GABRB1: variants seen among roughly 807,000 people sequenced by gnomAD.
The protein encoded by GABRB1 is gamma-aminobutyric acid receptor subunit beta-1.
GABRB1 carries 17 observed loss-of-function variants against 51.6 expected under a neutral mutation model. The ratio of observed to expected loss-of-function variants is 0.33; its 90% CI spans 0.23 to 0.49. The LOEUF (loss-of-function observed/expected upper bound fraction) is 0.49, where lower values mean the gene tolerates loss of function less well. Among genes scored for constraint, GABRB1 ranks in the 20% least tolerant of loss-of-function variants. GABRB1 has a pLI of 0.99. For synonymous variants in GABRB1, 247 were observed against 218.9 expected, an observed-to-expected ratio of 1.13 and a Z score of -1.14; for missense variants, 410 against 600.6, an observed-to-expected ratio of 0.68 and a Z score of 3.32.
chr4:47,339,679 A>G (rs988248409), intron 5 of GABRB1, among the ~76,000 whole-genome samples: 2 of 152,226 alleles, frequency 1.3e-5, no homozygotes, highest in South Asian at 2.1e-4. Context: ...GAGAAGTTAA[A>G]TGAATTCACC....
At chr4:47,265,878 T>C (rs1722624729) in intron 4 of GABRB1, among the ~76,000 whole-genome samples, 1 of 152,168 alleles carries the variant, frequency 6.6e-6, no homozygotes, top group African/African-American at 2.4e-5. Flanking sequence ...TGCAAAACAT[T>C]CTCTCTAATT....
intron 5 of GABRB1, among the ~76,000 whole-genome samples, chr4:47,388,486 C>T (rs1205927104): frequency 6.6e-6 from 1 of 152,122 alleles, no homozygotes; most frequent in South Asian, 2.1e-4. Flanking sequence ...AGTAATGGGG[C>T]TTTCCAGAGG....
intron 4 of GABRB1, among the ~76,000 whole-genome samples, chr4:47,282,537 A>T (rs1723331707): frequency 6.6e-6 from 1 of 152,176 alleles, no homozygotes; most frequent in Non-Finnish European, 1.5e-5. Context: ...TAACTTCCAC[A>T]AGTAACTGGG....
Position 47,031,568 on chromosome 4 carries a change from T to G in GABRB1, c.-84T>G. On this transcript the variant is annotated 5_prime_UTR_variant, in exon 1 of 9. Coordinates refer to ENST00000295454, the MANE Select transcript of GABRB1 (RefSeq NM_000812.4). ...CGCGCTCTGCGCATGCGCAGGTCCA[T>G]TCGGGAATTACTGCCCAGCAGCCGA... 8.7e-7 allele frequency: 1 copy of G among 1,147,904 alleles called. No homozygotes were observed. Among genetic ancestry groups the G allele is most frequent in the Non-Finnish European group, 1.3e-6 (1 of 758,220 alleles). 71.1% of individuals were successfully genotyped at this position (1,147,904 alleles called of 1,614,324 possible).
In GABRB1 at chr4:47,074,155, A is replaced by G. The variant is rs537073614; in HGVS notation, c.240+41671A>G. Among the ~76,000 whole-genome samples, 5 of 152,302 alleles carry G rather than the reference A, an allele frequency of 3.3e-5. No homozygotes were observed. The East Asian group carries it at 9.6e-4, about 29-fold the overall frequency. On this transcript the variant is annotated intron_variant, in intron 3 of 8. Coordinates refer to ENST00000295454, the MANE Select transcript of GABRB1 (RefSeq NM_000812.4). ...AACCAATGTTTTTCTCACAAACGGAACAGTGAATGCTTTTCATATAGAAAA... is the reference window on the plus strand; with the variant it reads ...AACCAATGTTTTTCTCACAAACGGAGCAGTGAATGCTTTTCATATAGAAAA...
chr4:47,368,054 G>A lies in GABRB1; in HGVS notation c.545-35264G>A, dbSNP rs184119405. ...AATCATGTTGCTACCCATGGTTATA[G>A]GCAGCAGAAAGCTCTGGGAGTGGGA... is the stretch of plus-strand genomic sequence containing the variant. On this transcript the variant is annotated intron_variant, in intron 5 of 8. Transcript: ENST00000295454. Among the ~76,000 whole-genome samples the A allele has an allele frequency of 3.2e-3, 485 of 152,294 alleles. 4 individuals carry two copies. Among genetic ancestry groups the A allele is most frequent in the Non-Finnish European group, 5.7e-3 (385 of 68,032 alleles).
At chr4:47,032,900 T>A in intron 3 of GABRB1, 1 of 367,092 alleles carries the variant, frequency 2.7e-6, no homozygotes, top group Non-Finnish European at 5.5e-6. Context: ...GCAATCCCCA[T>A]GGCCCTCGCA....
At chr4:47,381,560 G>C (rs775810211) in intron 5 of GABRB1, among the ~76,000 whole-genome samples, 7 of 152,292 alleles carry the variant, frequency 4.6e-5, no homozygotes, top group Non-Finnish European at 7.4e-5. Context: ...AGGCTTAACA[G>C]AGCATCCTGT....
chr4:47,285,793 C>A (rs1479861697), intron 4 of GABRB1, among the ~76,000 whole-genome samples: 1 of 152,126 alleles, frequency 6.6e-6, no homozygotes, highest in African/African-American at 2.4e-5. Context: ...TCATAAAAGG[C>A]CTGGTACATA....
chr4:47,016,443 A>G (rs1724745478), intron 1 of GABRB1, among the ~76,000 whole-genome samples: 1 of 152,198 alleles, frequency 6.6e-6, no homozygotes, highest in Non-Finnish European at 1.5e-5. Context: ...CACTAAAGTG[A>G]CATAGTGACA....
intron 4 of GABRB1, among the ~76,000 whole-genome samples, chr4:47,234,412 G>A (rs1284309789): frequency 3.3e-5 from 5 of 151,800 alleles, no homozygotes; most frequent in African/African-American, 7.3e-5. Context: ...GCTTGAACCC[G>A]GGAGGCTGAT....
upstream of GABRB1, among the ~76,000 whole-genome samples, chr4:47,029,051 T>C (rs1356338787): frequency 6.6e-6 from 1 of 151,780 alleles, no homozygotes; most frequent in African/African-American, 2.4e-5. Flanking sequence ...CATTCAACTA[T>C]TTTGACTGTT....
chr4:47,154,922 G>T (rs1340402899), intron 3 of GABRB1, among the ~76,000 whole-genome samples: 2 of 151,982 alleles, frequency 1.3e-5, no homozygotes, highest in Non-Finnish European at 1.5e-5. Context: ...TAGCAGTGCA[G>T]CCCTAATTCT....
At chr4:47,185,637 C>G (rs1339632462) in intron 4 of GABRB1, among the ~76,000 whole-genome samples, 1 of 151,798 alleles carries the variant, frequency 6.6e-6, no homozygotes, top group Non-Finnish European at 1.5e-5. Context: ...CTAGTTTTTC[C>G]TATTACCTGT....
At chr4:47,182,425 A>G in intron 4 of GABRB1, among the ~76,000 whole-genome samples, 1 of 152,020 alleles carries the variant, frequency 6.6e-6, no homozygotes, top group Middle Eastern at 3.2e-3. Flanking sequence ...ATCCATGAGA[A>G]TCTCATGTTT....
chr4:47,223,370 T>C (rs1298938084), intron 4 of GABRB1, among the ~76,000 whole-genome samples: 2 of 151,980 alleles, frequency 1.3e-5, no homozygotes, highest in Admixed American at 1.3e-4. Flanking sequence ...TTCTCAGAAA[T>C]GGAAAATAGA....
chr4:47,404,167 G>A (rs187231188), intron 7 of GABRB1, among the ~76,000 whole-genome samples: 308 of 152,198 alleles, frequency 2.0e-3, no homozygotes, highest in African/African-American at 7.0e-3. Flanking sequence ...AAATTAAATC[G>A]TATCAAGCCA....
At chr4:47,145,410 A>G (rs543133458) in intron 3 of GABRB1, among the ~76,000 whole-genome samples, 14 of 152,156 alleles carry the variant, frequency 9.2e-5, no homozygotes, top group Non-Finnish European at 1.8e-4. Flanking sequence ...CAAGCCCACA[A>G]GTACTTTCAA....
chr4:47,383,750 A>G (rs943500442), intron 5 of GABRB1, among the ~76,000 whole-genome samples: 1 of 152,184 alleles, frequency 6.6e-6, no homozygotes, highest in Non-Finnish European at 1.5e-5. Flanking sequence ...AGCATTAAAT[A>G]TACCAAACAG....
Sources: gnomAD v4.1 joint callset for allele counts (sites outside exome capture counted in the v4.1 genomes callset) on GRCh38, gnomAD v4.1.1 for gene constraint, MANE v1.5 for transcripts, NCBI Gene and HGNC (gene_info 2026-07-23, HGNC 2026-07-21) for gene names.